ARSB: variants seen among roughly 807,000 people sequenced by gnomAD.
The protein encoded by ARSB is arylsulfatase B.
Under a neutral mutation model 50.9 loss-of-function variants are expected in ARSB, and 41 were observed. The ratio of observed to expected loss-of-function variants is 0.81; its 90% confidence interval spans 0.63 to 1.04. The LOEUF is 1.04. ARSB is among the 50% of genes least tolerant of loss of function. The probability of loss-of-function intolerance (pLI) is 0.00; values close to 1 mark genes in which losing one functional copy is unlikely to be tolerated. For synonymous variants in ARSB, 269 were observed against 284.8 expected (o/e 0.94, Z 0.56); for missense variants, 672 against 693.3 (o/e 0.97, Z 0.35).
At position 78,839,167 on chromosome 5, in the gene ARSB, T is replaced by G. The variant is rs1320021155; in HGVS notation, c.1213+189A>C. Among the ~76,000 whole-genome samples the G allele has an allele frequency of 2.0e-5, 3 of 152,360 alleles. No individual in the cohort carries two copies. The East Asian group carries it at 5.8e-4, about 29-fold the overall frequency. The stretch of plus-strand genomic sequence containing the variant: ...GCAAGAATAGAATTCACCTTTCTTA[T>G]TTCATAAGCTGGTGTTGCTTTCACA... On this transcript the variant is annotated intron_variant, in intron 6 of 7. Coordinates refer to ENST00000264914, the MANE Select transcript of ARSB (RefSeq NM_000046.5).
At chr5:78,796,764 C>T (rs886957203) in intron 6 of ARSB, among the ~76,000 whole-genome samples, 3 of 152,164 alleles carry the variant, frequency 2.0e-5, no homozygotes, top group African/African-American at 4.8e-5. Flanking sequence ...AGTGATTCTC[C>T]TGCCTCAGCC....
At chr5:78,958,623 C>A (rs549783474) in intron 3 of ARSB, among the ~76,000 whole-genome samples, 1 of 152,230 alleles carries the variant, frequency 6.6e-6, no homozygotes, top group South Asian at 2.1e-4. Flanking sequence ...CTAAATTATG[C>A]CAAGGGGAAA....
chr5:78,794,313 A>G (rs934825484), intron 6 of ARSB, among the ~76,000 whole-genome samples: 1 of 152,172 alleles, frequency 6.6e-6, no homozygotes, highest in African/African-American at 2.4e-5. Context: ...TCTAATTCAT[A>G]TATCATTTTG....
chr5:78,817,471 C>T (rs1243224072), intron 6 of ARSB, among the ~76,000 whole-genome samples: 1 of 151,900 alleles, frequency 6.6e-6, no homozygotes, highest in Non-Finnish European at 1.5e-5. Context: ...TAAATGGGTG[C>T]CTTTAAGAGT....
intron 6 of ARSB, among the ~76,000 whole-genome samples, chr5:78,806,334 A>G (rs1336692766): frequency 6.6e-6 from 1 of 152,250 alleles, no homozygotes; most frequent in Non-Finnish European, 1.5e-5. Context: ...ATCTTTAGAG[A>G]TCTTCTTCTG....
intron 5 of ARSB, among the ~76,000 whole-genome samples, chr5:78,847,980 T>TTTGTTAATCG (rs1383860600): frequency 3.3e-5 from 5 of 151,986 alleles, no homozygotes; most frequent in Admixed American, 2.0e-4. Flanking sequence ...ATTTGTCAGT[T>TTTGTTAATCG]TTGTTAATCG....
intron 4 of ARSB, among the ~76,000 whole-genome samples, chr5:78,891,860 T>TTTTATGACCATCATCACTTTCCCC (rs370254761): frequency 0.02 from 2,975 of 151,712 alleles, 114 homozygotes; most frequent in African/African-American, 0.068. Context: ...GGTCTAGGTG[T>TTTTATGACCATCATCACTTTCCCC]TTTATGACCA....
intron 6 of ARSB, among the ~76,000 whole-genome samples, chr5:78,836,416 C>T (rs542638945): frequency 3.1e-4 from 47 of 152,312 alleles, no homozygotes; most frequent in South Asian, 1.9e-3. Context: ...GGGAAGCCAA[C>T]ATGAAGGCCT....
At chr5:78,877,017 T>C (rs556944496) in intron 5 of ARSB, among the ~76,000 whole-genome samples, 5 of 152,060 alleles carry the variant, frequency 3.3e-5, no homozygotes, top group Non-Finnish European at 7.4e-5. Flanking sequence ...GGTGGAAAAA[T>C]TGTCTCTCAC....
At chr5:78,892,314 G>A (rs1322831951) in intron 4 of ARSB, among the ~76,000 whole-genome samples, 1 of 138,736 alleles carries the variant, frequency 7.2e-6, no homozygotes, top group African/African-American at 2.9e-5. Flanking sequence ...GGAGTACAGT[G>A]GTGCAATCTT....
intron 5 of ARSB, among the ~76,000 whole-genome samples, chr5:78,862,026 GA>G (rs1183517298): frequency 4.6e-5 from 7 of 152,148 alleles, no homozygotes; most frequent in Non-Finnish European, 1.0e-4. Context: ...TTGCTTCAAA[GA>G]GAATAAAATA....
chr5:78,958,695 G>A (rs892972506), intron 3 of ARSB, among the ~76,000 whole-genome samples: 3 of 151,748 alleles, frequency 2.0e-5, no homozygotes, highest in Non-Finnish European at 2.9e-5. Flanking sequence ...AGATTATAGA[G>A]TAACTCTCTT....
intron 5 of ARSB, among the ~76,000 whole-genome samples, chr5:78,863,162 G>A (rs1368865823): frequency 1.3e-5 from 2 of 152,198 alleles, no homozygotes; most frequent in South Asian, 2.1e-4. Flanking sequence ...GCTGGTGGGA[G>A]TGTAAACTAG....
intron 4 of ARSB, among the ~76,000 whole-genome samples, chr5:78,915,487 TA>T (rs766585967): frequency 6.6e-6 from 1 of 152,138 alleles, no homozygotes; most frequent in Non-Finnish European, 1.5e-5. Flanking sequence ...CTACAGGCAA[TA>T]ATGAGAAAGG....
At chr5:78,943,614 C>G (rs1303254438) in intron 4 of ARSB, among the ~76,000 whole-genome samples, 5 of 152,234 alleles carry the variant, frequency 3.3e-5, no homozygotes. Context: ...CCCCCACTGT[C>G]TTCTGGCTTG....
chr5:78,806,396 A>G (rs923004596), intron 6 of ARSB, among the ~76,000 whole-genome samples: 2 of 152,244 alleles, frequency 1.3e-5, no homozygotes, highest in African/African-American at 4.8e-5. Context: ...TATCTTTCAT[A>G]TGAACAACCA....
At chr5:78,913,335 AG>A (rs1183778993) in intron 4 of ARSB, among the ~76,000 whole-genome samples, 1 of 152,008 alleles carries the variant, frequency 6.6e-6, no homozygotes, top group Non-Finnish European at 1.5e-5. Flanking sequence ...CGTGTTAGCC[AG>A]GATGGTCTCG....
intron 4 of ARSB, among the ~76,000 whole-genome samples, chr5:78,887,553 T>C (rs139269854): frequency 2.5e-3 from 376 of 152,340 alleles, no homozygotes; most frequent in African/African-American, 8.6e-3. Context: ...TGAAGTGACA[T>C]TGCTTATGAT....
At chr5:78,832,745 C>T (rs1413295547) in intron 6 of ARSB, among the ~76,000 whole-genome samples, 4 of 152,054 alleles carry the variant, frequency 2.6e-5, no homozygotes, top group Admixed American at 6.6e-5. Flanking sequence ...GAGAAGAGGG[C>T]CTTTAAATGA....
Sources: gnomAD v4.1 joint callset for allele counts (sites outside exome capture counted in the v4.1 genomes callset) on GRCh38, gnomAD v4.1.1 for gene constraint, MANE v1.5 for transcripts, NCBI Gene and HGNC (gene_info 2026-07-23, HGNC 2026-07-21) for gene names.